Variants in DDX52 observed in about 807,000 individuals in gnomAD.
DDX52 encodes probable ATP-dependent RNA helicase DDX52.
DDX52 carries 59 observed loss-of-function variants against 76.1 expected under a neutral mutation model. The observed-to-expected ratio is 0.78, with a 90% CI of 0.63 to 0.96. The LOEUF (loss-of-function observed/expected upper bound fraction) is 0.96, where lower values mean the gene tolerates loss of function less well. Among genes scored for constraint, DDX52 ranks in the 40% least tolerant of loss-of-function variants. DDX52 has a pLI of 0.00. For synonymous variants in DDX52, 231 were observed against 244.1 expected, an observed-to-expected ratio of 0.95 and a Z score of 0.50; for missense variants, 707 against 703.9, an observed-to-expected ratio of 1.00 and a Z score of -0.05.
rs141949467 is a variant in DDX52 at position 37,626,843 on chromosome 17, G to T, written c.877C>A (p.Pro293Thr). Residue 293 changes from proline (P) to threonine (T), a missense_variant, in exon 7 of 15, where the codon CCA becomes ACA. Coordinates refer to ENST00000617633, the MANE Select transcript of DDX52 (RefSeq NM_007010.5). ...SKKFDILVTT[P>T]NRLIYLLKQD... ...TTTAATAAATAGATTAGTCGATTTGGAGTAGTCACAAGAATATCTATAGGA... is the reference window on the plus strand; with the variant it reads ...TTTAATAAATAGATTAGTCGATTTGTAGTAGTCACAAGAATATCTATAGGA... 124 of 1,612,416 alleles carry T rather than the reference G, an allele frequency of 7.7e-5. No homozygotes were observed. In the African/African-American group the frequency reaches 1.1e-3, roughly 14 times the overall value.
chr17:37,630,095 T>A lies in DDX52; in HGVS notation c.682A>T (p.Lys228Ter). ...CTGAAGCCTTTATTTGCGGGTTGTTTCAGCTGCATTAAAATAGGAATGCTA... is the reference window on the plus strand; with the variant it reads ...CTGAAGCCTTTATTTGCGGGTTGTTACAGCTGCATTAAAATAGGAATGCTA... ...AFSIPILMQL[K>*]QPANKGFRAL... The change falls in exon 5 of 15, where the codon AAA becomes TAA. Residue 228 changes from lysine (K) to a stop codon, truncating the protein, a stop_gained. Transcript: ENST00000617633. LOFTEE classifies it high-confidence loss of function. 6.2e-7 allele frequency: 1 copy of A among 1,614,106 alleles called. No individual in the cohort carries two copies. The highest frequency in any genetic ancestry group is 8.5e-7 in the Non-Finnish European group (1 of 1,179,998).
At chr17:37,637,390 C>T (rs1222030292) in intron 2 of DDX52, among the ~76,000 whole-genome samples, 1 of 151,228 alleles carries the variant, frequency 6.6e-6, no homozygotes, top group Non-Finnish European at 1.5e-5. Context: ...CTCAGCCTCC[C>T]AAAGTACTGG....
chr17:37,629,379 C>A (rs1255932679), intron 5 of DDX52, among the ~76,000 whole-genome samples: 2 of 151,338 alleles, frequency 1.3e-5, no homozygotes, highest in African/African-American at 4.9e-5. Context: ...CTAAAAAAAA[C>A]AAACTGAGAT....
In DDX52 at chr17:37,611,585, T is replaced by G. The variant is rs984158912; in HGVS notation, c.*2711A>C. ...AACCCTGTCACTAAAAATACAAAAA[T>G]TAGCTGGGTGTGGTGGCGCATGCCT... is the stretch of plus-strand genomic sequence containing the variant. On this transcript the variant is annotated 3_prime_UTR_variant, in exon 15 of 15. Coordinates refer to ENST00000617633, the MANE Select transcript of DDX52 (RefSeq NM_007010.5). 2.6e-5 allele frequency: 4 copies of G among 151,758 alleles called. No individual in the cohort carries two copies. Among genetic ancestry groups the G allele is most frequent in the Admixed American group, 1.3e-4 (2 of 15,228 alleles). 9.4% of individuals were successfully genotyped at this position (151,758 alleles called of 1,614,324 possible).
rs898932156 is a variant in DDX52, at chr17:37,613,846, A to T, written c.*450T>A. 1 of 153,722 alleles carries T rather than the reference A, an allele frequency of 6.5e-6. No homozygotes were observed. Among genetic ancestry groups the T allele is most frequent in the African/African-American group, 2.4e-5 (1 of 41,466 alleles). The allele number at this position is 153,722 out of a possible 1,614,324, so 9.5% of individuals were successfully genotyped here. A position where few individuals can be genotyped will look rare whatever the true frequency, so the allele number is the denominator to read the frequency against. On this transcript the variant is annotated 3_prime_UTR_variant, in exon 15 of 15. Coordinates refer to ENST00000617633, the MANE Select transcript of DDX52 (RefSeq NM_007010.5). ...TCACACTTGAAGGGAAAAGTCCTTA[A>T]GAGTTCACCACATTTTGGTGTTATT...
chr17:37,627,709 GAA>G (rs10673620), intron 6 of DDX52, among the ~76,000 whole-genome samples: 12,489 of 131,386 alleles, frequency 0.095, 854 homozygotes, highest in East Asian at 0.31. Context: ...AAAACAAAAA[GAA>G]AAAAAAAAAA....
intron 5 of DDX52, 79 bp downstream of exon 5, chr17:37,629,951 A>G (rs919174826): frequency 6.5e-7 from 1 of 1,532,670 alleles, no homozygotes; most frequent in Middle Eastern, 1.8e-4. Context: ...GCTTTTTAAG[A>G]TCTTTTTATT....
chr17:37,643,275 C>A, intron 1 of DDX52, 59 bp downstream of exon 1: 1 of 1,549,336 alleles, frequency 6.5e-7, no homozygotes, highest in Non-Finnish European at 8.8e-7. Context: ...GCAGCGGGTT[C>A]ATTCCCGGGC....
At chr17:37,624,544 C>T in intron 8 of DDX52, 110 bp from the exon 9 acceptor site, 1 of 686,536 alleles carries the variant, frequency 1.5e-6, no homozygotes, top group Middle Eastern at 3.0e-4. Flanking sequence ...TCAATTTTTC[C>T]ACTGTCAATA....
chr17:37,630,650 T>G (rs1026404115), intron 4 of DDX52, among the ~76,000 whole-genome samples: 22 of 151,284 alleles, frequency 1.5e-4, no homozygotes, highest in Middle Eastern at 3.4e-3. Flanking sequence ...TTTTTTTTTT[T>G]TTTTTTTTTG....
chr17:37,611,255 T>C lies in DDX52; in HGVS notation c.*3041A>G, dbSNP rs2064352545. ...GCAGATACAATGGTGGGATGAGAAGTGGGGGTGGAAGACAGTGAGACTGAT... is the reference window on the plus strand; with the variant it reads ...GCAGATACAATGGTGGGATGAGAAGCGGGGGTGGAAGACAGTGAGACTGAT... On this transcript the variant is annotated 3_prime_UTR_variant, in exon 15 of 15. Coordinates refer to ENST00000617633, the MANE Select transcript of DDX52 (RefSeq NM_007010.5). The C allele has an allele frequency of 6.6e-6, 1 of 152,134 alleles. No homozygotes were observed. Among genetic ancestry groups the C allele is most frequent in the Admixed American group, 6.6e-5 (1 of 15,266 alleles). 9.4% of individuals were successfully genotyped at this position (152,134 alleles called of 1,614,324 possible).
chr17:37,626,084 ACAAG>A lies in DDX52; in HGVS notation c.943_946del (p.Leu315Ter). The A allele has an allele frequency of 6.2e-7, 1 of 1,614,178 alleles. No individual in the cohort carries two copies. The highest frequency in any genetic ancestry group is 8.5e-7 in the Non-Finnish European group (1 of 1,180,024). On this transcript the variant is annotated frameshift_variant, in exon 8 of 15. Transcript: ENST00000617633. LOFTEE classifies it high-confidence loss of function. ...AAACAGTTTATCTGATTCGTCTACTACAAGCCACTCAACACTAAGAAATAACAAA... is the reference window on the plus strand; with the variant it reads ...AAACAGTTTATCTGATTCGTCTACTACCACTCAACACTAAGAAATAACAAA...
In DDX52 at chr17:37,613,526, C is replaced by T. The variant is rs2064391205; in HGVS notation, c.*770G>A. 2 of 152,098 alleles carry T rather than the reference C, an allele frequency of 1.3e-5. No homozygotes were observed. Among genetic ancestry groups the T allele is most frequent in the South Asian group, 4.2e-4 (2 of 4,818 alleles). 9.4% of individuals were successfully genotyped at this position (152,098 alleles called of 1,614,324 possible). ...ATCATGATCTTGTACAACATTATGACAGCACTAAGGTATTACGTATCCAAT... is the reference window on the plus strand; with the variant it reads ...ATCATGATCTTGTACAACATTATGATAGCACTAAGGTATTACGTATCCAAT... On this transcript the variant is annotated 3_prime_UTR_variant, in exon 15 of 15. Transcript: ENST00000617633.
chr17:37,623,757 T>C (rs1245438676), intron 9 of DDX52, among the ~76,000 whole-genome samples: 3 of 152,224 alleles, frequency 2.0e-5, no homozygotes, highest in Non-Finnish European at 2.9e-5. Flanking sequence ...AAGTACTCTT[T>C]AGCCCTTTAT....
Position 37,619,806 on chromosome 17 carries a change from A to T in DDX52, c.1611T>A (p.Pro537=), listed in dbSNP as rs535937087. Residue 537 remains proline, a synonymous_variant, in exon 13 of 15, where the codon CCT becomes CCA. Coordinates refer to ENST00000617633, the MANE Select transcript of DDX52 (RefSeq NM_007010.5). Reference sequence around the variant, plus strand: ...GAAAACCTTTTATGTATTCTGGTACAGGACACCCAGCCTGCTGTATAACAT... The same window carrying T: ...GAAAACCTTTTATGTATTCTGGTACTGGACACCCAGCCTGCTGTATAACAT... The part of the protein sequence containing the change: ...VANVIQQAGC[P]VPEYIKGFQK... The T allele has an allele frequency of 2.5e-6, 4 of 1,614,024 alleles. No homozygotes were observed. The East Asian group carries it at 8.9e-5, about 36-fold the overall frequency.
chr17:37,630,187 G>A lies in DDX52; in HGVS notation c.604-14C>T. 1 of 1,591,800 alleles carries A rather than the reference G, an allele frequency of 6.3e-7. No homozygotes were observed. Among genetic ancestry groups the A allele is most frequent in the Non-Finnish European group, 8.5e-7 (1 of 1,172,838 alleles). On this transcript the variant is annotated splice_polypyrimidine_tract_variant and intron_variant, in intron 4 of 14. Transcript: ENST00000617633. ...AAGTTCCCGACCCTAAAAACATAGG[G>A]TATATTAAATACTACAAAGAAAGTA...
At chr17:37,628,305 C>T (rs926006229) in intron 6 of DDX52, among the ~76,000 whole-genome samples, 2 of 152,088 alleles carry the variant, frequency 1.3e-5, no homozygotes, top group Non-Finnish European at 2.9e-5. Context: ...GTGACAACTA[C>T]AAATGTCTCC....
chr17:37,621,456 TC>T lies in DDX52; in HGVS notation c.1291del (p.Glu431SerfsTer36). On this transcript the variant is annotated frameshift_variant, in exon 10 of 15. Transcript: ENST00000617633. LOFTEE classifies it high-confidence loss of function. ...CACATTAATACCTTCATATATGAGC[TC>T]ATGAAAAAGTTCTTTAGCCCTTTCA... ...SIERAKELFH[E>X]LIYEGINVDV... The T allele has an allele frequency of 6.2e-7, 1 of 1,613,844 alleles. No individual in the cohort carries two copies. The highest frequency in any genetic ancestry group is 8.5e-7 in the Non-Finnish European group (1 of 1,179,912).
At chr17:37,624,679 T>G (rs1284214126) in intron 8 of DDX52, among the ~76,000 whole-genome samples, 1 of 152,124 alleles carries the variant, frequency 6.6e-6, no homozygotes, top group Non-Finnish European at 1.5e-5. Context: ...AGTCATAAAT[T>G]TTCAGGTATT....
Sources: gnomAD v4.1 joint callset for allele counts (sites outside exome capture counted in the v4.1 genomes callset) on GRCh38, gnomAD v4.1.1 for gene constraint, MANE v1.5 for transcripts, NCBI Gene and HGNC (gene_info 2026-07-23, HGNC 2026-07-21) for gene names.